Variants in ATP8A2 observed in about 807,000 individuals in gnomAD.
ATP8A2 encodes phospholipid-transporting ATPase IB.
A neutral mutation model predicts 165.6 loss-of-function variants in ATP8A2; 100 were observed. That is an observed-to-expected ratio of 0.60 (90% CI 0.51 to 0.71). The LOEUF (loss-of-function observed/expected upper bound fraction) is 0.71, where lower values mean the gene tolerates loss of function less well. Ranked by LOEUF, ATP8A2 falls within the 30% of genes least tolerant of loss-of-function variation. ATP8A2 has a pLI of 0.00. For missense variants in ATP8A2, 1,227 were observed against 1,479.5 expected, an observed-to-expected ratio of 0.83 and a Z score of 2.80; for synonymous variants, 543 against 548.8, an observed-to-expected ratio of 0.99 and a Z score of 0.15.
At chr13:25,913,986 G>T (rs1180322022) in intron 33 of ATP8A2, among the ~76,000 whole-genome samples, 2 of 152,146 alleles carry the variant, frequency 1.3e-5, no homozygotes, top group Non-Finnish European at 2.9e-5. Flanking sequence ...ACACAACCAG[G>T]TGACCTCATA....
At chr13:25,639,900 T>G (rs1327231916) in intron 24 of ATP8A2, among the ~76,000 whole-genome samples, 2 of 152,140 alleles carry the variant, frequency 1.3e-5, no homozygotes, top group Non-Finnish European at 2.9e-5. Flanking sequence ...TATAACAAAC[T>G]ATCTCTCAGA....
intron 2 of ATP8A2, among the ~76,000 whole-genome samples, chr13:25,505,585 G>T (rs571315321): frequency 6.6e-6 from 1 of 152,026 alleles, no homozygotes; most frequent in African/African-American, 2.4e-5. Context: ...CTGACCTAGA[G>T]ACTCTATCTC....
At chr13:25,575,299 G>T (rs1453720865) in intron 19 of ATP8A2, among the ~76,000 whole-genome samples, 1 of 152,196 alleles carries the variant, frequency 6.6e-6, no homozygotes, top group Non-Finnish European at 1.5e-5. Flanking sequence ...CCCATTAGAG[G>T]CTGGGTCCAC....
At chr13:25,641,997 G>A (rs2041537869) in intron 24 of ATP8A2, among the ~76,000 whole-genome samples, 2 of 152,136 alleles carry the variant, frequency 1.3e-5, no homozygotes, top group Admixed American at 1.3e-4. Context: ...ACAAGAAATG[G>A]GGAAAGGATT....
chr13:25,579,607 C>A (rs766773251), intron 21 of ATP8A2, among the ~76,000 whole-genome samples: 1 of 152,118 alleles, frequency 6.6e-6, no homozygotes, highest in Admixed American at 6.5e-5. Context: ...CTCAGCCTTA[C>A]GGAAGAGGTA....
intron 24 of ATP8A2, among the ~76,000 whole-genome samples, chr13:25,595,765 AG>A (rs1275832250): frequency 1.3e-5 from 2 of 152,186 alleles, no homozygotes; most frequent in Non-Finnish European, 2.9e-5. Context: ...TATTAAAAGT[AG>A]GGTCAATACA....
intron 33 of ATP8A2, among the ~76,000 whole-genome samples, chr13:25,941,907 G>A (rs768820650): frequency 6.6e-6 from 1 of 152,054 alleles, no homozygotes; most frequent in Non-Finnish European, 1.5e-5. Context: ...CTCCTTCGTT[G>A]TCCTCCCAGT....
intron 24 of ATP8A2, among the ~76,000 whole-genome samples, chr13:25,600,719 C>A (rs540663431): frequency 1.3e-5 from 2 of 152,120 alleles, no homozygotes; most frequent in African/African-American, 4.8e-5. Flanking sequence ...TCTGTCTTCC[C>A]AATCTTAAGC....
chr13:26,008,978 CA>C (rs1956792963), intron 35 of ATP8A2, among the ~76,000 whole-genome samples: 1 of 151,948 alleles, frequency 6.6e-6, no homozygotes, highest in South Asian at 2.1e-4. Context: ...TAAATGACAC[CA>C]TTTATGCGTA....
At chr13:25,806,962 C>A (rs117449589) in intron 27 of ATP8A2, among the ~76,000 whole-genome samples, 1 of 152,018 alleles carries the variant, frequency 6.6e-6, no homozygotes, top group Non-Finnish European at 1.5e-5. Flanking sequence ...GGTTATTAGC[C>A]GTTTATATAT....
intron 25 of ATP8A2, among the ~76,000 whole-genome samples, chr13:25,762,555 T>A (rs146737106): frequency 2.6e-5 from 4 of 152,336 alleles, no homozygotes; most frequent in Admixed American, 6.5e-5. Flanking sequence ...CTAGGTCTGT[T>A]GTTTATATGA....
chr13:25,857,097 G>T (rs564778925), intron 30 of ATP8A2, among the ~76,000 whole-genome samples: 3 of 152,114 alleles, frequency 2.0e-5, no homozygotes, highest in Non-Finnish European at 2.9e-5. Context: ...GTCCACATTT[G>T]TCTGCCCCTT....
At position 25,555,162 on chromosome 13, in the gene ATP8A2, A is replaced by G. The variant is rs375153712; in HGVS notation, c.1263+94A>G. On this transcript the variant is annotated intron_variant, in intron 13 of 36. Transcript: ENST00000381655. ...AACCATGGAAAGATTTTGCAAAAAT[A>G]CTTCTCCATGAACATGGCTAGAACA... is the stretch of plus-strand genomic sequence containing the variant. 5 of 863,834 alleles carry G rather than the reference A, an allele frequency of 5.8e-6. No individual in the cohort carries two copies. The African/African-American group carries it at 8.4e-5, about 14-fold the overall frequency. 53.5% of individuals were successfully genotyped at this position (863,834 alleles called of 1,614,324 possible).
At chr13:25,627,927 A>G (rs186990698) in intron 24 of ATP8A2, among the ~76,000 whole-genome samples, 9 of 152,278 alleles carry the variant, frequency 5.9e-5, no homozygotes, top group Admixed American at 5.2e-4. Context: ...GCCAGATGCA[A>G]GGGTTTTACT....
chr13:26,014,729 A>T (rs1250541720), intron 36 of ATP8A2, among the ~76,000 whole-genome samples: 1 of 152,230 alleles, frequency 6.6e-6, no homozygotes, highest in Non-Finnish European at 1.5e-5. Context: ...TAAAGTGTCT[A>T]TATAGGCAAT....
intron 2 of ATP8A2, among the ~76,000 whole-genome samples, chr13:25,504,734 G>A (rs865883228): frequency 2.5e-5 from 3 of 117,946 alleles, no homozygotes; most frequent in East Asian, 2.2e-4. Flanking sequence ...GCGACAGAGC[G>A]AGACTCCGTC....
At chr13:25,833,073 CT>C (rs34536382) in intron 28 of ATP8A2, among the ~76,000 whole-genome samples, 105 of 148,920 alleles carry the variant, frequency 7.1e-4, no homozygotes, top group Non-Finnish European at 1.0e-3. Context: ...CAATAAACAG[CT>C]TTTTTTTTTC....
chr13:25,415,228 C>T lies in ATP8A2; in HGVS notation c.76+42940C>T, dbSNP rs530088348. 3.9e-5 allele frequency among the ~76,000 whole-genome samples: 6 copies of T among 152,330 alleles called. No homozygotes were observed. The East Asian group carries it at 9.6e-4, about 24-fold the overall frequency. On this transcript the variant is annotated intron_variant, in intron 1 of 36. Transcript: ENST00000381655. Reference sequence around the variant, plus strand: ...ATATTACAGTTAGCATATCCTCCTCCCCATGTACTCTCCATGCATCCAGTA... The same window carrying T: ...ATATTACAGTTAGCATATCCTCCTCTCCATGTACTCTCCATGCATCCAGTA...
intron 24 of ATP8A2, among the ~76,000 whole-genome samples, chr13:25,607,581 C>T (rs1373794726): frequency 6.6e-6 from 1 of 152,214 alleles, no homozygotes; most frequent in Non-Finnish European, 1.5e-5. Context: ...CAAATTGTAA[C>T]ATATTTACTA....
Sources: gnomAD v4.1 joint callset for allele counts (sites outside exome capture counted in the v4.1 genomes callset) on GRCh38, gnomAD v4.1.1 for gene constraint, MANE v1.5 for transcripts, NCBI Gene and HGNC (gene_info 2026-07-23, HGNC 2026-07-21) for gene names.